CHM: variants seen among roughly 807,000 people sequenced by gnomAD.
CHM encodes the protein CHM Rab escort protein, also known as rab proteins geranylgeranyltransferase component A 1.
In CHM, 10 loss-of-function variants were observed where a neutral mutation model predicts 49.0. That is an observed-to-expected ratio of 0.20 (90% CI 0.13 to 0.35). The LOEUF is 0.35. Among genes scored for constraint, CHM ranks in the 10% least tolerant of loss-of-function variants. CHM has a pLI of 1.00. For synonymous variants in CHM, 184 were observed against 167.5 expected (o/e 1.10, Z -0.76); for missense variants, 455 against 478.4 (o/e 0.95, Z 0.46).
intron 8 of CHM, among the ~76,000 whole-genome samples, chrX:85,952,702 C>T (rs1481577264): frequency 4.4e-5 from 5 of 112,822 alleles, no homozygotes; most frequent in South Asian, 3.6e-4. Flanking sequence ...GTAAAGGGGA[C>T]TTTGTGTTGT....
At chrX:85,923,107 A>C (rs2148185523) in intron 8 of CHM, among the ~76,000 whole-genome samples, 1 of 111,973 alleles carries the variant, frequency 8.9e-6, no homozygotes, top group East Asian at 2.8e-4. Flanking sequence ...ATTAATGTGG[A>C]CATTCTAACT....
rs142985887 is a variant in CHM at position 86,005,429 on chromosome X, G to C, written c.116+22062C>G. Among the ~76,000 whole-genome samples, 3 of 111,801 alleles carry C rather than the reference G, an allele frequency of 2.7e-5. No homozygotes were observed. In the East Asian group the frequency reaches 8.4e-4, roughly 31 times the overall value. On this transcript the variant is annotated intron_variant, in intron 2 of 14. Transcript: ENST00000357749. ...AACTGAGATCAGAGCAGAACTGAAA[G>C]AGACAGATCCACAAAAAACCCTTCA...
intron 8 of CHM, among the ~76,000 whole-genome samples, chrX:85,951,512 T>C (rs1398216067): frequency 8.9e-6 from 1 of 111,798 alleles, no homozygotes; most frequent in Non-Finnish European, 1.9e-5. Context: ...TTCATGACCT[T>C]TATGTATCAT....
intron 4 of CHM, among the ~76,000 whole-genome samples, chrX:85,974,576 T>C (rs921021346): frequency 9.9e-5 from 11 of 111,047 alleles, no homozygotes; most frequent in East Asian, 2.8e-4. Flanking sequence ...AACCTCAAAA[T>C]AGACCCATCC....
rs1928100496 is a variant in CHM at position 85,926,664 on chromosome X, G to T, written c.1167-15326C>A. Among the ~76,000 whole-genome samples the T allele has an allele frequency of 2.7e-5, 3 of 111,287 alleles. No homozygotes were observed. In the Admixed American group the frequency reaches 2.9e-4, roughly 11 times the overall value. ...ATTTCAATGCACAGCAAAAGATCAG[G>T]AAAGATACACCACAAACTGGCAAGA... On this transcript the variant is annotated intron_variant, in intron 8 of 14. Transcript: ENST00000357749.
chrX:85,902,454 G>A (rs1348596303), intron 9 of CHM, among the ~76,000 whole-genome samples: 1 of 111,388 alleles, frequency 9.0e-6, no homozygotes, highest in Non-Finnish European at 1.9e-5. Context: ...GTCTAGTGAT[G>A]TTACATGTAC....
At chrX:86,010,053 G>C (rs1932991370) in intron 2 of CHM, among the ~76,000 whole-genome samples, 1 of 108,639 alleles carries the variant, frequency 9.2e-6, no homozygotes, top group African/African-American at 3.4e-5. Flanking sequence ...GGATGAAGCT[G>C]GAAACCATCA....
intron 4 of CHM, chrX:85,969,700 G>C (rs1167666459): frequency 8.9e-6 from 1 of 111,922 alleles, no homozygotes; most frequent in African/African-American, 3.3e-5. Context: ...CGAAAATATG[G>C]AATCAACTTA....
intron 2 of CHM, among the ~76,000 whole-genome samples, chrX:85,988,879 G>A (rs1436697067): frequency 8.9e-6 from 1 of 111,926 alleles, no homozygotes; most frequent in Non-Finnish European, 1.9e-5. Flanking sequence ...AACATCCCAT[G>A]CTCATGAATA....
chrX:85,868,334 C>T lies in CHM; in HGVS notation c.1771-3513G>A, dbSNP rs183454847. On this transcript the variant is annotated intron_variant, in intron 14 of 14. Coordinates refer to ENST00000357749, the MANE Select transcript of CHM (RefSeq NM_000390.4). ...ACAGCATGGTAACTATAGCTAACTGCATTTTTTATTATGGCTATTTGGAAA... is the reference window on the plus strand; with the variant it reads ...ACAGCATGGTAACTATAGCTAACTGTATTTTTTATTATGGCTATTTGGAAA... 7.2e-5 allele frequency among the ~76,000 whole-genome samples: 8 copies of T among 110,884 alleles called. No homozygotes were observed. The East Asian group carries it at 2.0e-3, about 28-fold the overall frequency.
chrX:85,947,807 G>C (rs1929497191), intron 8 of CHM, among the ~76,000 whole-genome samples: 1 of 112,088 alleles, frequency 8.9e-6, no homozygotes, highest in Non-Finnish European at 1.9e-5. Context: ...ACAACAGTCA[G>C]GAAAATTTCA....
intron 5 of CHM, 99 bp downstream of exon 5, chrX:85,963,566 T>C (rs933921708): frequency 4.6e-5 from 31 of 676,555 alleles, no homozygotes; most frequent in Middle Eastern, 9.1e-4. Context: ...TACTATCTCT[T>C]TACAAAACAA....
intron 2 of CHM, among the ~76,000 whole-genome samples, chrX:86,012,148 C>T (rs773636830): frequency 2.0e-4 from 22 of 111,796 alleles, no homozygotes; most frequent in Non-Finnish European, 3.9e-4. Flanking sequence ...TAGGGATCCT[C>T]CAGGCAAAGT....
intron 8 of CHM, among the ~76,000 whole-genome samples, chrX:85,953,224 G>A (rs941564040): frequency 4.5e-5 from 5 of 111,637 alleles, no homozygotes; most frequent in African/African-American, 9.8e-5. Context: ...TCAAAGAAGT[G>A]TACGATTCCT....
rs1355442853 is a variant in CHM at position 85,964,015 on chromosome X, G to C, written c.352C>G (p.Leu118Val). Residue 118 changes from leucine to valine, a missense_variant, in exon 5 of 15, where the codon CTG becomes GTG. Physicochemically the swap from Leu to Val is conservative, Grantham distance 32 (BLOSUM62 1). Transcript: ENST00000357749. ...GTCACAAGAGCATGATTTTTCTGCA[G>C]TGCACCAGCTTCTTCGACATCTTCA... is the stretch of plus-strand genomic sequence containing the variant. ...LHEDVEEAGALQKNHALVTSA... is the reference protein window; with the variant it reads ...LHEDVEEAGAVQKNHALVTSA... The C allele has an allele frequency of 7.5e-6, 9 of 1,206,748 alleles. No homozygotes were observed. In the Admixed American group the frequency reaches 1.3e-4, roughly 18 times the overall value.
At chrX:85,958,740 C>A (rs757951539) in intron 6 of CHM, 121 bp downstream of exon 6, 2 of 1,077,983 alleles carry the variant, frequency 1.9e-6, no homozygotes, top group East Asian at 6.2e-5. Flanking sequence ...TGTAAATCAC[C>A]ACGGAGGACT....
At chrX:86,002,293 T>G (rs1235573453) in intron 2 of CHM, among the ~76,000 whole-genome samples, 2 of 112,215 alleles carry the variant, frequency 1.8e-5, no homozygotes, top group Admixed American at 1.9e-4. Context: ...AGAGTGCTCA[T>G]GGACTCTTCA....
intron 2 of CHM, among the ~76,000 whole-genome samples, chrX:86,001,447 G>A (rs1932716322): frequency 9.0e-6 from 1 of 111,376 alleles, no homozygotes; most frequent in Non-Finnish European, 1.9e-5. Context: ...AAGAAAAGAG[G>A]TTTAGTTGGC....
intron 4 of CHM, among the ~76,000 whole-genome samples, chrX:85,965,704 C>CA (rs1249323607): frequency 2.8e-5 from 3 of 107,316 alleles, no homozygotes; most frequent in African/African-American, 6.8e-5. Flanking sequence ...ATGAACACTA[C>CA]AAAAAAAAAT....
Sources: allele counts gnomAD v4.1 joint callset (sites outside exome capture counted in the v4.1 genomes callset), GRCh38; gene constraint gnomAD v4.1.1; transcripts MANE v1.5; gene names NCBI Gene and HGNC (gene_info 2026-07-23, HGNC 2026-07-21).